PCCA: variants seen among roughly 807,000 people sequenced by gnomAD.
PCCA encodes propionyl-CoA carboxylase subunit alpha.
PCCA carries 74 observed loss-of-function variants against 101.3 expected under a neutral mutation model. That is an observed-to-expected ratio of 0.73 (90% CI 0.61 to 0.89). PCCA has a LOEUF of 0.89. PCCA is among the 40% of genes least tolerant of loss of function. The pLI is 0.00. For missense variants in PCCA, 891 were observed against 907.0 expected, an observed-to-expected ratio of 0.98 and a Z score of 0.23; for synonymous variants, 294 against 313.6, an observed-to-expected ratio of 0.94 and a Z score of 0.66.
intron 6 of PCCA, among the ~76,000 whole-genome samples, chr13:100,187,153 G>T (rs1210940384): frequency 6.6e-6 from 1 of 152,098 alleles, no homozygotes; most frequent in Non-Finnish European, 1.5e-5. Flanking sequence ...TGTAGGGTTG[G>T]AGCACAAAGA....
At chr13:100,345,156 C>T (rs1415622186) in intron 18 of PCCA, among the ~76,000 whole-genome samples, 1 of 152,166 alleles carries the variant, frequency 6.6e-6, no homozygotes, top group East Asian at 1.9e-4. Context: ...GAATAAGTAG[C>T]ACATCTTTCA....
intron 21 of PCCA, among the ~76,000 whole-genome samples, chr13:100,452,327 G>A (rs2081389699): frequency 6.6e-6 from 1 of 151,832 alleles, no homozygotes; most frequent in South Asian, 2.1e-4. Context: ...TTGTTTGGAG[G>A]ATGGCAGTAG....
chr13:100,221,329 G>T (rs752462238), intron 7 of PCCA, among the ~76,000 whole-genome samples: 10 of 152,188 alleles, frequency 6.6e-5, no homozygotes, highest in Non-Finnish European at 1.5e-4. Context: ...CCCCTGAGGG[G>T]GTCGCTCAGT....
At chr13:100,232,374 GT>G in intron 7 of PCCA, among the ~76,000 whole-genome samples, 2 of 150,572 alleles carry the variant, frequency 1.3e-5, no homozygotes, top group African/African-American at 4.9e-5. Context: ...GTGTGTGTGT[GT>G]GTGTGTGTGT....
chr13:100,145,161 A>T (rs143542764), intron 4 of PCCA, among the ~76,000 whole-genome samples: 1 of 152,272 alleles, frequency 6.6e-6, no homozygotes, highest in Non-Finnish European at 1.5e-5. Flanking sequence ...CACATATGGT[A>T]TAATGATACC....
intron 8 of PCCA, among the ~76,000 whole-genome samples, chr13:100,251,514 G>A (rs1427063429): frequency 6.6e-6 from 1 of 152,148 alleles, no homozygotes; most frequent in Non-Finnish European, 1.5e-5. Context: ...AAGAAGACAG[G>A]CAAAGATCTT....
chr13:100,188,982 C>CA (rs1225264874), intron 6 of PCCA, among the ~76,000 whole-genome samples: 1 of 151,924 alleles, frequency 6.6e-6, no homozygotes, highest in Non-Finnish European at 1.5e-5. Flanking sequence ...TGGTTTGCTG[C>CA]ACCCATCAAC....
At chr13:100,138,331 T>C (rs1472060675) in intron 4 of PCCA, among the ~76,000 whole-genome samples, 2 of 152,208 alleles carry the variant, frequency 1.3e-5, no homozygotes, top group Non-Finnish European at 2.9e-5. Flanking sequence ...TATTGAAAAT[T>C]CATATTTTAC....
chr13:100,502,357 A>T (rs567335377), intron 21 of PCCA, among the ~76,000 whole-genome samples: 1 of 151,962 alleles, frequency 6.6e-6, no homozygotes, highest in African/African-American at 2.4e-5. Flanking sequence ...CTCTCATCCC[A>T]CCTCACCCTG....
chr13:100,191,959 C>T (rs2057770041), intron 6 of PCCA, among the ~76,000 whole-genome samples: 1 of 152,126 alleles, frequency 6.6e-6, no homozygotes, highest in Non-Finnish European at 1.5e-5. Context: ...GCTATGAAGG[C>T]TCTGGTTGGA....
At chr13:100,371,075 AT>A (rs1394563230) in intron 19 of PCCA, among the ~76,000 whole-genome samples, 1 of 152,216 alleles carries the variant, frequency 6.6e-6, no homozygotes, top group African/African-American at 2.4e-5. Flanking sequence ...CAGGTCTCCT[AT>A]TTAAAAAGAA....
At chr13:100,513,028 A>G (rs1036073204) in intron 21 of PCCA, among the ~76,000 whole-genome samples, 2 of 152,184 alleles carry the variant, frequency 1.3e-5, no homozygotes, top group Non-Finnish European at 2.9e-5. Context: ...TGGGGCATCA[A>G]AAAGCTTTTA....
At chr13:100,166,836 A>G (rs1401890283) in intron 6 of PCCA, among the ~76,000 whole-genome samples, 1 of 152,204 alleles carries the variant, frequency 6.6e-6, no homozygotes, top group Non-Finnish European at 1.5e-5. Context: ...AGAATCTGCA[A>G]ACTCGTTGGT....
At chr13:100,346,797 A>G (rs1340595295) in intron 18 of PCCA, among the ~76,000 whole-genome samples, 1 of 152,184 alleles carries the variant, frequency 6.6e-6, no homozygotes, top group Non-Finnish European at 1.5e-5. Flanking sequence ...CAGCCTGATC[A>G]GTCAGCAGCT....
intron 19 of PCCA, among the ~76,000 whole-genome samples, chr13:100,378,424 G>T (rs1288431607): frequency 6.6e-6 from 1 of 152,158 alleles, no homozygotes; most frequent in East Asian, 1.9e-4. Flanking sequence ...GTTTTGCATT[G>T]AATCTGGTTG....
intron 16 of PCCA, among the ~76,000 whole-genome samples, chr13:100,314,427 T>A (rs1324394048): frequency 2.0e-5 from 3 of 152,144 alleles, no homozygotes; most frequent in Non-Finnish European, 4.4e-5. Context: ...CAATCTGCCA[T>A]TAGTGATTAA....
At chr13:100,443,157 A>G (rs2080504590) in intron 20 of PCCA, among the ~76,000 whole-genome samples, 2 of 152,124 alleles carry the variant, frequency 1.3e-5, no homozygotes, top group Admixed American at 6.5e-5. Context: ...GGTGGCTTAG[A>G]CCAGGAGGCA....
intron 18 of PCCA, among the ~76,000 whole-genome samples, chr13:100,348,640 A>C (rs2072634736): frequency 6.6e-6 from 1 of 152,108 alleles, no homozygotes. Flanking sequence ...CATTTTTAGT[A>C]ATCTTTATTT....
chr13:100,102,174 T>C (rs1162874295), intron 1 of PCCA, among the ~76,000 whole-genome samples: 1 of 152,000 alleles, frequency 6.6e-6, no homozygotes, highest in African/African-American at 2.4e-5. Context: ...GGGGTCTTGC[T>C]CTGTTGCCTA....
Sources: allele counts gnomAD v4.1 joint callset (sites outside exome capture counted in the v4.1 genomes callset), GRCh38; gene constraint gnomAD v4.1.1; transcripts MANE v1.5; gene names NCBI Gene and HGNC (gene_info 2026-07-23, HGNC 2026-07-21).